Variants in AGBL4 observed in about 807,000 individuals in gnomAD.
The protein encoded by AGBL4 is AGBL carboxypeptidase 4.
In AGBL4, 58 loss-of-function variants were observed where a neutral mutation model predicts 66.4. The observed-to-expected ratio is 0.87, with a 90% CI of 0.71 to 1.09. AGBL4 has a LOEUF of 1.09. Among genes scored for constraint, AGBL4 ranks in the 50% least tolerant of loss-of-function variants. AGBL4 has a pLI of 0.00. For synonymous variants in AGBL4, 234 were observed against 222.9 expected, an observed-to-expected ratio of 1.05 and a Z score of -0.44; for missense variants, 579 against 631.0, an observed-to-expected ratio of 0.92 and a Z score of 0.88.
At chr1:48,982,244 G>A (rs533857073) in intron 5 of AGBL4, among the ~76,000 whole-genome samples, 49 of 152,132 alleles carry the variant, frequency 3.2e-4, no homozygotes, top group Non-Finnish European at 4.7e-4. Flanking sequence ...TGTGCACAAC[G>A]TGCAGGTTTG....
intron 6 of AGBL4, among the ~76,000 whole-genome samples, chr1:48,737,771 T>C (rs1649303458): frequency 6.6e-6 from 1 of 152,150 alleles, no homozygotes; most frequent in African/African-American, 2.4e-5. Context: ...TCACAAGTCA[T>C]TTACTAACAT....
chr1:48,813,350 A>G (rs572631279), intron 6 of AGBL4, among the ~76,000 whole-genome samples: 218 of 152,330 alleles, frequency 1.4e-3, no homozygotes, highest in South Asian at 7.5e-3. Context: ...GAACTGGCAG[A>G]AAAACAAAAC....
At chr1:49,298,348 C>T (rs535399695) in intron 3 of AGBL4, among the ~76,000 whole-genome samples, 2 of 152,332 alleles carry the variant, frequency 1.3e-5, no homozygotes, top group East Asian at 3.9e-4. Context: ...CTCCCCTCTC[C>T]CCCCAGGTTC....
chr1:49,116,616 A>G (rs1457672252), intron 4 of AGBL4, among the ~76,000 whole-genome samples: 1 of 152,158 alleles, frequency 6.6e-6, no homozygotes, highest in African/African-American at 2.4e-5. Flanking sequence ...GATCCATTCT[A>G]TCATTGATGG....
At chr1:49,722,076 T>C (rs1369198888) in intron 2 of AGBL4, among the ~76,000 whole-genome samples, 1 of 152,144 alleles carries the variant, frequency 6.6e-6, no homozygotes, top group Non-Finnish European at 1.5e-5. Context: ...GGTTCCTCAG[T>C]TACAAGGGCC....
chr1:48,523,373 C>T, the AGBL4 span, among the ~76,000 whole-genome samples: 1 of 152,110 alleles, frequency 6.6e-6, no homozygotes, highest in Admixed American at 6.5e-5. Context: ...AGTTCTTTCT[C>T]CCCACTACAT....
chr1:48,698,097 C>A (rs1646742210), intron 6 of AGBL4, among the ~76,000 whole-genome samples: 1 of 150,168 alleles, frequency 6.7e-6, no homozygotes. Context: ...CTCCACTGTA[C>A]CCAGGCCATG....
intron 3 of AGBL4, among the ~76,000 whole-genome samples, chr1:49,561,040 G>A (rs1644026296): frequency 6.6e-6 from 1 of 152,000 alleles, no homozygotes; most frequent in South Asian, 2.1e-4. Context: ...TAATAGTAAG[G>A]ACATGGAAAA....
intron 3 of AGBL4, among the ~76,000 whole-genome samples, chr1:49,586,269 G>A (rs755530622): frequency 2.6e-5 from 4 of 152,166 alleles, no homozygotes; most frequent in Non-Finnish European, 4.4e-5. Flanking sequence ...CTCAGGAAAA[G>A]TTTTTGTTTT....
At chr1:48,968,774 T>C (rs2148950290) in intron 5 of AGBL4, among the ~76,000 whole-genome samples, 1 of 152,246 alleles carries the variant, frequency 6.6e-6, no homozygotes, top group South Asian at 2.1e-4. Context: ...GTCAATTGCA[T>C]TGTTTTTCAT....
At chr1:49,391,464 G>T (rs1205617472) in intron 3 of AGBL4, among the ~76,000 whole-genome samples, 2 of 152,044 alleles carry the variant, frequency 1.3e-5, no homozygotes, top group Admixed American at 1.3e-4. Context: ...CAGTGGCAGT[G>T]TGGATAGAAA....
intron 1 of AGBL4, among the ~76,000 whole-genome samples, chr1:49,929,618 T>C (rs1046013594): frequency 5.9e-5 from 9 of 151,706 alleles, no homozygotes; most frequent in African/African-American, 2.2e-4. Context: ...ACAGAATTGA[T>C]CACCAGCAGT....
At chr1:49,279,548 G>C (rs1487152482) in intron 3 of AGBL4, among the ~76,000 whole-genome samples, 2 of 151,544 alleles carry the variant, frequency 1.3e-5, no homozygotes, top group East Asian at 3.9e-4. Flanking sequence ...CAGTTGGGCT[G>C]GGAAAAAGAA....
intron 5 of AGBL4, among the ~76,000 whole-genome samples, chr1:48,996,311 T>C (rs978967525): frequency 7.2e-5 from 11 of 152,194 alleles, no homozygotes; most frequent in African/African-American, 2.7e-4. Flanking sequence ...ATAGTTGACA[T>C]TTAAAGCTAT....
intron 5 of AGBL4, among the ~76,000 whole-genome samples, chr1:48,884,526 T>C (rs1254720166): frequency 2.6e-5 from 4 of 152,212 alleles, no homozygotes; most frequent in African/African-American, 9.7e-5. Flanking sequence ...AATCTTTTCT[T>C]CCCTGAGCCA....
chr1:48,555,804 A>C (rs1432298552), intron 11 of AGBL4, among the ~76,000 whole-genome samples: 1 of 152,092 alleles, frequency 6.6e-6, no homozygotes, highest in Admixed American at 6.5e-5. Flanking sequence ...AGTTGTGAGG[A>C]GGACAAAGAA....
At chr1:48,844,663 C>A (rs1453355181) in intron 6 of AGBL4, among the ~76,000 whole-genome samples, 1 of 152,132 alleles carries the variant, frequency 6.6e-6, no homozygotes, top group Non-Finnish European at 1.5e-5. Context: ...TTTTAAAGAC[C>A]CAACTGACAT....
chr1:48,532,201 T>G (rs1643910093), downstream of AGBL4, among the ~76,000 whole-genome samples: 1 of 152,198 alleles, frequency 6.6e-6, no homozygotes, highest in East Asian at 1.9e-4. Context: ...TACCATTTAG[T>G]GAGCACATAA....
At chr1:49,979,680 A>G (rs1658901565) in intron 1 of AGBL4, among the ~76,000 whole-genome samples, 1 of 152,160 alleles carries the variant, frequency 6.6e-6, no homozygotes, top group South Asian at 2.1e-4. Context: ...TGTGACACTA[A>G]TCATCTCTGC....
Sources: allele counts gnomAD v4.1 joint callset (sites outside exome capture counted in the v4.1 genomes callset), GRCh38; gene constraint gnomAD v4.1.1; transcripts MANE v1.5; gene names NCBI Gene and HGNC (gene_info 2026-07-23, HGNC 2026-07-21).